The following CCSER1 variants were observed in gnomAD, a reference collection of about 807,000 sequenced individuals.
The protein encoded by CCSER1 is coiled-coil serine rich protein 1, also known as serine-rich coiled-coil domain-containing protein 1.
Under a neutral mutation model 82.0 loss-of-function variants are expected in CCSER1, and 41 were observed. The ratio of observed to expected loss-of-function variants is 0.50; its 90% CI spans 0.39 to 0.65. The LOEUF (loss-of-function observed/expected upper bound fraction) is 0.65, where lower values mean the gene tolerates loss of function less well. Ranked by LOEUF, CCSER1 falls within the 30% of genes least tolerant of loss-of-function variation. The probability of loss-of-function intolerance (pLI) is 0.00; values close to 1 mark genes in which losing one functional copy is unlikely to be tolerated. For missense variants in CCSER1, 1,119 were observed against 1,064.2 expected (o/e 1.05, Z -0.72); for synonymous variants, 414 against 383.9 (o/e 1.08, Z -0.92).
Position 90,628,187 on chromosome 4 carries a change from G to A in CCSER1, c.1887G>A (p.Thr629=), listed in dbSNP as rs530803061. 1.2e-5 allele frequency: 20 copies of A among 1,613,750 alleles called. No homozygotes were observed. In the East Asian group the frequency reaches 2.0e-4, roughly 16 times the overall value. Residue 629 remains threonine (T), a synonymous_variant, in exon 6 of 11, where the codon ACG becomes ACA. Coordinates refer to ENST00000509176, the MANE Select transcript of CCSER1 (RefSeq NM_001145065.2). ...LPFRLMLQDC[T]AVKTLLLKMK... ...TCAGACTGATGTTACAGGACTGCAC[G>A]GCAGTCAAGACGTTATTATTAAAGA...
intron 1 of CCSER1, among the ~76,000 whole-genome samples, chr4:90,281,466 C>T (rs1728833534): frequency 6.6e-6 from 1 of 151,920 alleles, no homozygotes; most frequent in Non-Finnish European, 1.5e-5. Flanking sequence ...TCAAGGTGCA[C>T]ATGTACCCCT....
intron 10 of CCSER1, among the ~76,000 whole-genome samples, chr4:91,187,699 G>T (rs1391142548): frequency 6.6e-6 from 1 of 152,070 alleles, no homozygotes; most frequent in Non-Finnish European, 1.5e-5. Context: ...TTACAAGCGT[G>T]CTGCTACCAT....
chr4:90,771,565 TAAAA>T (rs34848155), intron 7 of CCSER1, among the ~76,000 whole-genome samples: 5 of 98,320 alleles, frequency 5.1e-5, no homozygotes, highest in Admixed American at 2.1e-4. Flanking sequence ...TGCCGGGCAC[TAAAA>T]AAAAAAAAAA....
chr4:90,212,689 T>A (rs1044972198), intron 1 of CCSER1, among the ~76,000 whole-genome samples: 3 of 152,216 alleles, frequency 2.0e-5, no homozygotes, highest in Admixed American at 6.5e-5. Flanking sequence ...AGTATAGATA[T>A]ATTGTATGTC....
chr4:91,234,720 T>C (rs1029788421), intron 10 of CCSER1, among the ~76,000 whole-genome samples: 10 of 152,144 alleles, frequency 6.6e-5, no homozygotes, highest in Non-Finnish European at 1.5e-4. Context: ...ATCTAATCTT[T>C]CTTCTACTAT....
chr4:90,634,026 T>TATCA (rs1724959304), intron 6 of CCSER1, among the ~76,000 whole-genome samples: 8 of 151,888 alleles, frequency 5.3e-5, no homozygotes, highest in Admixed American at 4.6e-4. Flanking sequence ...AAGAGAACTC[T>TATCA]ATCATTTTTT....
chr4:90,452,403 A>G (rs1283344389), intron 4 of CCSER1, among the ~76,000 whole-genome samples: 1 of 152,180 alleles, frequency 6.6e-6, no homozygotes, highest in African/African-American at 2.4e-5. Flanking sequence ...GGCTCCCCTT[A>G]GAAGACAGCA....
At chr4:90,475,175 A>C (rs1281218721) in intron 5 of CCSER1, among the ~76,000 whole-genome samples, 5 of 152,186 alleles carry the variant, frequency 3.3e-5, no homozygotes, top group African/African-American at 1.2e-4. Flanking sequence ...AATTCTTATG[A>C]TTCTTTACTA....
At chr4:91,466,467 C>G (rs1040159696) in intron 10 of CCSER1, among the ~76,000 whole-genome samples, 6 of 152,170 alleles carry the variant, frequency 3.9e-5, no homozygotes, top group Non-Finnish European at 7.4e-5. Flanking sequence ...CCTCTCTCAC[C>G]ACTCCTATTC....
intron 10 of CCSER1, among the ~76,000 whole-genome samples, chr4:91,412,065 G>A (rs1753085172): frequency 6.6e-6 from 1 of 152,060 alleles, no homozygotes; most frequent in African/African-American, 2.4e-5. Context: ...AAAGAAAAGT[G>A]ACTTTGTAGG....
chr4:90,304,666 G>A (rs1027421856), intron 1 of CCSER1, among the ~76,000 whole-genome samples: 5 of 152,138 alleles, frequency 3.3e-5, no homozygotes, highest in Non-Finnish European at 5.9e-5. Context: ...GGAGAGTGGG[G>A]AGGGATAGCT....
chr4:90,279,574 A>G (rs1425606817), intron 1 of CCSER1, among the ~76,000 whole-genome samples: 1 of 152,034 alleles, frequency 6.6e-6, no homozygotes, highest in Non-Finnish European at 1.5e-5. Flanking sequence ...AAGCCAACTC[A>G]GATAAACTCT....
rs2149221023 is a variant in CCSER1, at chr4:91,292,574, A to C, written c.2217+206580A>C. The stretch of plus-strand genomic sequence containing the variant: ...GATATAATTGGAAATAAATATAGAT[A>C]ATTTTTGTTTTGTTTTGCTTTGCTT... On this transcript the variant is annotated intron_variant, in intron 10 of 10. Transcript: ENST00000509176. 1.3e-5 allele frequency among the ~76,000 whole-genome samples: 2 copies of C among 152,116 alleles called. 1 individual carries two copies. The highest frequency in any genetic ancestry group is 4.1e-4 in the South Asian group (2 of 4,826).
intron 4 of CCSER1, among the ~76,000 whole-genome samples, chr4:90,432,738 T>A (rs778404864): frequency 2.0e-5 from 3 of 152,266 alleles, no homozygotes; most frequent in African/African-American, 4.8e-5. Flanking sequence ...TATGGGTATG[T>A]GTCACCCTGC....
At position 91,470,167 on chromosome 4, in the gene CCSER1, C is replaced by T. The variant is rs1224262350; in HGVS notation, c.2218-128405C>T. Among the ~76,000 whole-genome samples, 6 of 152,120 alleles carry T rather than the reference C, an allele frequency of 3.9e-5. No homozygotes were observed. In the East Asian group the frequency reaches 1.2e-3, roughly 29 times the overall value. On this transcript the variant is annotated intron_variant, in intron 10 of 10. Transcript: ENST00000509176. ...TTTAATATTTTGTAAACTTGCTAAA[C>T]TGAATGTTGTTAAACTGAATGTTGA...
intron 6 of CCSER1, among the ~76,000 whole-genome samples, chr4:90,648,301 GAAA>G (rs373458816): frequency 4.4e-5 from 3 of 67,716 alleles, no homozygotes; most frequent in South Asian, 4.0e-4. Flanking sequence ...AAGAAAGAAA[GAAA>G]GAAAGAAAGA....
chr4:91,123,800 T>G (rs1314190191), intron 10 of CCSER1, among the ~76,000 whole-genome samples: 3 of 151,814 alleles, frequency 2.0e-5, no homozygotes, highest in Non-Finnish European at 4.4e-5. Context: ...AAGAATAATT[T>G]TTTTCTGTAT....
At chr4:91,287,080 T>G (rs1202970164) in intron 10 of CCSER1, among the ~76,000 whole-genome samples, 2 of 151,900 alleles carry the variant, frequency 1.3e-5, no homozygotes, top group Non-Finnish European at 2.9e-5. Context: ...CAAATGGGAC[T>G]GAAATTATAT....
intron 10 of CCSER1, among the ~76,000 whole-genome samples, chr4:91,201,496 A>G (rs1481842898): frequency 1.3e-5 from 2 of 152,146 alleles, no homozygotes; most frequent in African/African-American, 4.8e-5. Flanking sequence ...AATGAATTAA[A>G]TGAACATTTA....
Sources: allele counts gnomAD v4.1 joint callset (sites outside exome capture counted in the v4.1 genomes callset), GRCh38; gene constraint gnomAD v4.1.1; transcripts MANE v1.5; gene names NCBI Gene and HGNC (gene_info 2026-07-23, HGNC 2026-07-21).